DLG2: variants seen among roughly 807,000 people sequenced by gnomAD.
DLG2 encodes the protein disks large homolog 2.
DLG2 carries 45 observed loss-of-function variants against 132.5 expected under a neutral mutation model. The ratio of observed to expected loss-of-function variants is 0.34; its 90% CI spans 0.27 to 0.44. The LOEUF (loss-of-function observed/expected upper bound fraction) is 0.44, where lower values mean the gene tolerates loss of function less well. Among genes scored for constraint, DLG2 ranks in the 20% least tolerant of loss-of-function variants. The pLI, the probability that DLG2 is intolerant of heterozygous loss-of-function variation, is 1.00. For synonymous variants in DLG2, 424 were observed against 419.6 expected (o/e 1.01, Z -0.13); for missense variants, 1,045 against 1,196.9 (o/e 0.87, Z 1.87).
chr11:85,520,626 A>G (rs948853378), intron 3 of DLG2, among the ~76,000 whole-genome samples: 1 of 152,034 alleles, frequency 6.6e-6, no homozygotes, highest in South Asian at 2.1e-4. Flanking sequence ...ACAGAGCTAT[A>G]GTAACCAAAA....
chr11:84,940,261 C>T (rs1051070289), intron 6 of DLG2, among the ~76,000 whole-genome samples: 1 of 152,226 alleles, frequency 6.6e-6, no homozygotes. Flanking sequence ...AACGATTCTC[C>T]TGCCTCAGCC....
chr11:84,928,974 G>GTA, intron 6 of DLG2, among the ~76,000 whole-genome samples: 1 of 30,208 alleles, frequency 3.3e-5, no homozygotes, highest in African/African-American at 9.1e-5. Context: ...GTGTGTGTGT[G>GTA]TGTGTGTGTA....
chr11:85,370,220 C>T (rs1217950612), intron 3 of DLG2, among the ~76,000 whole-genome samples: 1 of 152,092 alleles, frequency 6.6e-6, no homozygotes, highest in East Asian at 1.9e-4. Flanking sequence ...TTAAAAATGC[C>T]TAGGAGTTAA....
At chr11:83,553,889 C>CTTTTT (rs57434000) in intron 19 of DLG2, among the ~76,000 whole-genome samples, 3 of 142,884 alleles carry the variant, frequency 2.1e-5, no homozygotes, top group Non-Finnish European at 3.0e-5. Flanking sequence ...ACAATCTTTT[C>CTTTTT]TTTTTTTTTC....
Position 85,012,170 on chromosome 11 carries a change from A to G in DLG2, c.357+99491T>C, listed in dbSNP as rs1209666645. Among the ~76,000 whole-genome samples the G allele has an allele frequency of 6.7e-5, 5 of 74,722 alleles. 2 individuals carry two copies. The highest frequency in any genetic ancestry group is 5.0e-4 in the African/African-American group (5 of 9,908). 49.0% of individuals were successfully genotyped at this position (74,722 alleles called of 152,430 possible). On this transcript the variant is annotated intron_variant, in intron 6 of 27. Coordinates refer to ENST00000376104, the MANE Select transcript of DLG2 (RefSeq NM_001142699.3). ...ATGTGAAATGACCTAGATAAAAGAG[A>G]AAAGTATGATATACATTAATATCTT...
intron 7 of DLG2, among the ~76,000 whole-genome samples, chr11:84,413,620 T>C (rs1201731701): frequency 6.6e-6 from 1 of 152,202 alleles, no homozygotes; most frequent in Admixed American, 6.5e-5. Flanking sequence ...CCCAGACTGC[T>C]TTTTGTTTTG....
chr11:84,751,189 A>G (rs1484322713), intron 6 of DLG2, among the ~76,000 whole-genome samples: 2 of 152,148 alleles, frequency 1.3e-5, no homozygotes, highest in African/African-American at 2.4e-5. Context: ...CCAAGTCAGA[A>G]AGGATGAATC....
intron 7 of DLG2, among the ~76,000 whole-genome samples, chr11:84,373,847 T>G (rs2098718822): frequency 2.0e-5 from 3 of 152,230 alleles, no homozygotes; most frequent in South Asian, 4.1e-4. Context: ...TCACTAAATT[T>G]CTAATAATGA....
chr11:85,117,147 G>A (rs1022323189), intron 5 of DLG2, among the ~76,000 whole-genome samples: 8 of 151,974 alleles, frequency 5.3e-5, no homozygotes, highest in Non-Finnish European at 1.2e-4. Flanking sequence ...CACCTGTCAA[G>A]ACAACCCTCC....
chr11:83,850,123 A>AGT (rs544279195), intron 16 of DLG2, among the ~76,000 whole-genome samples: 4,160 of 39,082 alleles, frequency 0.11, 96 homozygotes, highest in Non-Finnish European at 0.15. Context: ...ATTTGGGGTA[A>AGT]GTGTGTGTGT....
At chr11:84,751,115 A>C (rs1179806759) in intron 6 of DLG2, among the ~76,000 whole-genome samples, 1 of 152,198 alleles carries the variant, frequency 6.6e-6, no homozygotes, top group East Asian at 1.9e-4. Context: ...ATTGATGGCA[A>C]ATACATGTTC....
intron 9 of DLG2, among the ~76,000 whole-genome samples, chr11:84,116,904 CA>C (rs2093659776): frequency 6.6e-6 from 1 of 152,138 alleles, no homozygotes; most frequent in Non-Finnish European, 1.5e-5. Flanking sequence ...ACATTTATGG[CA>C]CTTTGTTATT....
chr11:84,723,437 G>A (rs2062057887), intron 6 of DLG2, among the ~76,000 whole-genome samples: 1 of 152,120 alleles, frequency 6.6e-6, no homozygotes, highest in African/African-American at 2.4e-5. Context: ...CTCTGTATGT[G>A]CATGTGTATG....
chr11:83,918,270 C>T (rs1478808262), intron 15 of DLG2, among the ~76,000 whole-genome samples: 2 of 152,170 alleles, frequency 1.3e-5, no homozygotes, highest in African/African-American at 2.4e-5. Flanking sequence ...GGAGAGACAA[C>T]TAGCATTGTG....
Position 83,862,485 on chromosome 11 carries a change from C to T in DLG2, c.1565+11935G>A, listed in dbSNP as rs2061608467. ...GAAATATTGAGATGGTTAATGGGTA[C>T]AAAAATATATTTATAAATTTATAAA... On this transcript the variant is annotated intron_variant, in intron 16 of 27. Coordinates refer to ENST00000376104, the MANE Select transcript of DLG2 (RefSeq NM_001142699.3). 3.3e-5 allele frequency among the ~76,000 whole-genome samples: 5 copies of T among 151,286 alleles called. No individual in the cohort carries two copies. The South Asian group carries it at 1.0e-3, about 32-fold the overall frequency.
intron 7 of DLG2, among the ~76,000 whole-genome samples, chr11:84,388,147 A>G (rs1363431853): frequency 2.0e-5 from 3 of 152,178 alleles, no homozygotes; most frequent in South Asian, 2.1e-4. Context: ...CATATATTCG[A>G]CTTATCCTAC....
At chr11:85,184,992 C>T (rs2079990425) in intron 4 of DLG2, among the ~76,000 whole-genome samples, 1 of 151,864 alleles carries the variant, frequency 6.6e-6, no homozygotes, top group South Asian at 2.1e-4. Flanking sequence ...TTCTAAGCAA[C>T]TAAAATAAAC....
chr11:83,612,837 T>TC (rs11442235), intron 19 of DLG2, among the ~76,000 whole-genome samples: 90,972 of 151,998 alleles, frequency 0.6, 27,436 homozygotes, highest in African/African-American at 0.65. Context: ...TGAGGCTCCA[T>TC]CCAGGGCTTT....
At chr11:85,416,170 T>C (rs1034755839) in intron 3 of DLG2, among the ~76,000 whole-genome samples, 3 of 151,784 alleles carry the variant, frequency 2.0e-5, no homozygotes, top group Admixed American at 1.3e-4. Flanking sequence ...TTGTCAAAGA[T>C]CAGATGGTTG....
Sources: allele counts gnomAD v4.1 joint callset (sites outside exome capture counted in the v4.1 genomes callset), GRCh38; gene constraint gnomAD v4.1.1; transcripts MANE v1.5; gene names NCBI Gene and HGNC (gene_info 2026-07-23, HGNC 2026-07-21).